Variants in UNC13A observed in about 807,000 individuals in gnomAD.
UNC13A encodes unc-13 homolog A.
UNC13A carries 61 observed loss-of-function variants against 219.7 expected under a neutral mutation model. That is an observed-to-expected ratio of 0.28 (90% CI 0.23 to 0.34). The LOEUF (loss-of-function observed/expected upper bound fraction) is 0.34. Among genes scored for constraint, UNC13A ranks in the 10% least tolerant of loss-of-function variants. UNC13A has a pLI of 1.00. For missense variants in UNC13A, 1,476 were observed against 2,270.3 expected, an observed-to-expected ratio of 0.65 and a Z score of 7.11; for synonymous variants, 920 against 884.6, an observed-to-expected ratio of 1.04 and a Z score of -0.71.
Position 17,639,087 on chromosome 19 carries a change from T to A in UNC13A, c.3077A>T (p.Asp1026Val). 6.3e-7 allele frequency: 1 copy of A among 1,593,108 alleles called. No individual in the cohort carries two copies. Among genetic ancestry groups the A allele is most frequent in the Non-Finnish European group, 8.5e-7 (1 of 1,169,708 alleles). ...CTGACCCATCTGGAGTCTCACCGGG[T>A]CTGTCTGGTACTCCCGGCTGTACAG... ...HELYSREYQTDPAKKGEVLPE... is the reference protein window; with the variant it reads ...HELYSREYQTVPAKKGEVLPE... The change falls in exon 25 of 44, where the codon GAC becomes GTC. Residue 1026 changes from aspartate to valine, a missense_variant. By Grantham distance (152) the Asp-to-Val change is radical (BLOSUM62 -3). Around this residue, in one of 14 missense-constraint regions of UNC13A, gnomAD observed 24 missense variants for 16.0 expected, o/e 1.50. Coordinates refer to ENST00000519716, the MANE Select transcript of UNC13A (RefSeq NM_001080421.3).
intron 11 of UNC13A, among the ~76,000 whole-genome samples, chr19:17,653,745 G>A (rs1046326135): frequency 1.1e-4 from 16 of 151,046 alleles, no homozygotes; most frequent in South Asian, 8.4e-4. Flanking sequence ...CTCCCGCCTC[G>A]ACCTCCCAAA....
Position 17,649,664 on chromosome 19 carries a change from T to A in UNC13A, c.1440-77A>T. ...AGAGCCCTGGGGAGAACATTCAACC[T>A]CCCCCAGGTGTTAAGGGGTTGAATT... On this transcript the variant is annotated intron_variant, in intron 12 of 43. Coordinates refer to ENST00000519716, the MANE Select transcript of UNC13A (RefSeq NM_001080421.3). The surrounding 1 kb of genome is among the most constrained non-coding windows in gnomAD (Gnocchi z 4.4). 1 of 1,528,430 alleles carries A rather than the reference T, an allele frequency of 6.5e-7. No homozygotes were observed. The highest frequency in any genetic ancestry group is 9.1e-7 in the Non-Finnish European group (1 of 1,104,196). The allele number at this position is 1,528,430 out of a possible 1,614,324, so 94.7% of individuals were successfully genotyped here. A position where few individuals can be genotyped will look rare whatever the true frequency, so the allele number is the denominator to read the frequency against.
chr19:17,669,044 C>T (rs35874560), intron 5 of UNC13A, among the ~76,000 whole-genome samples: 2 of 151,860 alleles, frequency 1.3e-5, no homozygotes, highest in African/African-American at 4.8e-5. Flanking sequence ...GATCCTCCCC[C>T]CTTGGCCTCC....
chr19:17,644,446 C>T (rs1275253457), intron 19 of UNC13A, among the ~76,000 whole-genome samples: 1 of 151,708 alleles, frequency 6.6e-6, no homozygotes, highest in Non-Finnish European at 1.5e-5. Context: ...AGCTCAGCCA[C>T]CCAACCAATA....
Position 17,647,433 on chromosome 19 carries a change from C to T in UNC13A, c.1876G>A (p.Val626Met). The T allele has an allele frequency of 6.2e-7, 1 of 1,613,718 alleles. No homozygotes were observed. Among genetic ancestry groups the T allele is most frequent in the Non-Finnish European group, 8.5e-7 (1 of 1,179,828 alleles). ...AEDRTQNIIM[V>M]LKDRMKIRER... is the part of the protein sequence containing the mutation. ...CGGATCTTCATGCGGTCCTTGAGCA[C>T]CATGATGATGTTCTGTGTCCGGTCC... is the stretch of plus-strand genomic sequence containing the variant. Residue 626 changes from valine (V) to methionine (M), a missense_variant, in exon 17 of 44, where the codon GTG becomes ATG. Transcript: ENST00000519716.
Position 17,629,293 on chromosome 19 carries a change from C to T in UNC13A, c.3700G>A (p.Asp1234Asn), listed in dbSNP as rs750794059. 6.2e-7 allele frequency: 1 copy of T among 1,612,362 alleles called. No homozygotes were observed. The highest frequency in any genetic ancestry group is 1.1e-5 in the South Asian group (1 of 90,504). The change falls in exon 31 of 44, where the codon GAC becomes AAC. Residue 1234 changes from aspartate (D) to asparagine (N), a missense_variant. Coordinates refer to ENST00000519716, the MANE Select transcript of UNC13A (RefSeq NM_001080421.3). ...GAGGCAAAGTCCTTGGAGATGATGT[C>T]TGCATACTGGAGGAGCACATTACTG... ...TISNVLLQYA[D>N]IISKDFASYC...
intron 23 of UNC13A, 85 bp from the exon 24 acceptor site, chr19:17,639,610 C>T: frequency 6.9e-7 from 1 of 1,452,554 alleles, no homozygotes. Flanking sequence ...TACAAAGGCT[C>T]CCCGGTTTCA....
chr19:17,616,529 C>T, intron 41 of UNC13A: 1 of 656,372 alleles, frequency 1.5e-6, no homozygotes, highest in Non-Finnish European at 2.8e-6. Context: ...GAGAGACGAG[C>T]CAGTGAGAGG....
intron 38 of UNC13A, 95 bp downstream of exon 38, chr19:17,620,598 C>G (rs1252045354): frequency 2.4e-6 from 3 of 1,227,586 alleles, no homozygotes; most frequent in Non-Finnish European, 3.4e-6. Context: ...AGTACGCCCT[C>G]GGACGGCACG....
At chr19:17,617,598 C>T (rs142353460) in intron 41 of UNC13A, 104 bp downstream of exon 41, 147 of 1,500,972 alleles carry the variant, frequency 9.8e-5, no homozygotes, top group Non-Finnish European at 1.3e-4. Flanking sequence ...AATTCCGCCC[C>T]ATCCATGACG....
chr19:17,606,443 GC>G, intron 43 of UNC13A, 89 bp from the exon 44 acceptor site: 1 of 1,475,836 alleles, frequency 6.8e-7, no homozygotes, highest in South Asian at 1.3e-5. Context: ...TGCGGGCCAC[GC>G]CCACACCGGG....
intron 1 of UNC13A, among the ~76,000 whole-genome samples, chr19:17,684,092 ACT>A (rs1409945317): frequency 1.3e-5 from 2 of 152,112 alleles, no homozygotes; most frequent in African/African-American, 4.8e-5. Flanking sequence ...TTTGAGTGAG[ACT>A]CTGTCTCAAA....
intron 28 of UNC13A, among the ~76,000 whole-genome samples, chr19:17,632,237 G>A (rs1178732947): frequency 6.6e-6 from 1 of 152,112 alleles, no homozygotes; most frequent in South Asian, 2.1e-4. Flanking sequence ...TAGAGCTGGG[G>A]TTTCGCCCTA....
At chr19:17,639,359 G>A in intron 24 of UNC13A, 77 bp downstream of exon 24, 1 of 1,567,956 alleles carries the variant, frequency 6.4e-7, no homozygotes, top group Non-Finnish European at 8.7e-7. Flanking sequence ...TCTCCAGGAG[G>A]AATGTCACTT....
chr19:17,649,706 A>G lies in UNC13A; in HGVS notation c.1440-119T>C. 1 of 1,086,158 alleles carries G rather than the reference A, an allele frequency of 9.2e-7. No homozygotes were observed. The highest frequency in any genetic ancestry group is 2.4e-5 in the East Asian group (1 of 41,562). The allele number at this position is 1,086,158 out of a possible 1,614,324, so 67.3% of individuals were successfully genotyped here. On this transcript the variant is annotated intron_variant, in intron 12 of 43. Transcript: ENST00000519716. The surrounding 1 kb of genome is among the most constrained non-coding windows in gnomAD (Gnocchi z 4.4). ...GGTTGAATTGGGTCCCTCAAAAAAA[A>G]GATACGCTGATGCCCTAACCCCCAC...
chr19:17,632,924 G>A lies in UNC13A; in HGVS notation c.3302-16C>T, dbSNP rs777719234. ...TTGTCGTGCTCTGGCCAGGGACAAA[G>A]AGGATGGCACAGCTGGAAGGGTCTG... is the stretch of plus-strand genomic sequence containing the variant. On this transcript the variant is annotated splice_polypyrimidine_tract_variant and intron_variant, in intron 27 of 43. Coordinates refer to ENST00000519716, the MANE Select transcript of UNC13A (RefSeq NM_001080421.3). The A allele has an allele frequency of 3.1e-6, 5 of 1,613,764 alleles. No individual in the cohort carries two copies. The highest frequency in any genetic ancestry group is 4.2e-6 in the Non-Finnish European group (5 of 1,179,904).
At chr19:17,635,556 C>T (rs923562594) in intron 26 of UNC13A, among the ~76,000 whole-genome samples, 1 of 152,070 alleles carries the variant, frequency 6.6e-6, no homozygotes, top group Non-Finnish European at 1.5e-5. Context: ...CAATATTGTA[C>T]GTTGAATTGC....
intron 43 of UNC13A, among the ~76,000 whole-genome samples, chr19:17,607,471 G>GGT (rs34351813): frequency 1.5e-5 from 2 of 132,162 alleles, no homozygotes; most frequent in African/African-American, 5.6e-5. Flanking sequence ...GGGGGGGGGG[G>GGT]TCTCACCATG....
rs937074890 is a variant in UNC13A, at chr19:17,619,112, T to G, written c.4273-150A>C. The G allele has an allele frequency of 2.1e-5, 15 of 705,646 alleles. No individual in the cohort carries two copies. The Admixed American group carries it at 3.4e-4, about 16-fold the overall frequency. 43.7% of individuals were successfully genotyped at this position (705,646 alleles called of 1,614,324 possible). On this transcript the variant is annotated intron_variant, in intron 38 of 43. Transcript: ENST00000519716. ...AGGTCTGGAATTCCCCAGGAAGAAC[T>G]GAGGAGGATGTGGTGACCTTGTCCC...
Sources: allele counts gnomAD v4.1 joint callset (sites outside exome capture counted in the v4.1 genomes callset), GRCh38; gene constraint gnomAD v4.1.1; regional missense constraint gnomAD v4.1.1; non-coding constraint Gnocchi (gnomAD v3.1); transcripts MANE v1.5; gene names NCBI Gene and HGNC (gene_info 2026-07-23, HGNC 2026-07-21).